The following HPSE2 variants were observed in gnomAD, a reference collection of about 807,000 sequenced individuals.
The protein encoded by HPSE2 is heparanase 2 (inactive).
In HPSE2, 38 loss-of-function variants were observed where a neutral mutation model predicts 60.5. That is an observed-to-expected ratio of 0.63 (90% CI 0.48 to 0.82). The LOEUF is 0.82. HPSE2 is among the 40% of genes least tolerant of loss of function. HPSE2 has a pLI of 0.00. For missense variants in HPSE2, 713 were observed against 740.4 expected (o/e 0.96, Z 0.43); for synonymous variants, 295 against 293.2 (o/e 1.01, Z -0.06).
chr10:98,859,436 A>C (rs1405424758), intron 3 of HPSE2, among the ~76,000 whole-genome samples: 2 of 152,188 alleles, frequency 1.3e-5, no homozygotes, highest in African/African-American at 4.8e-5. Flanking sequence ...TTAAATTAGA[A>C]AAGTGAGTGC....
intron 3 of HPSE2, among the ~76,000 whole-genome samples, chr10:99,093,727 A>C (rs1843599780): frequency 6.6e-6 from 1 of 152,214 alleles, no homozygotes; most frequent in South Asian, 2.1e-4. Context: ...CCCATTAAGC[A>C]TCACTTCCCA....
Position 98,484,366 on chromosome 10 carries a change from T to C in HPSE2, c.1467-1584A>G, listed in dbSNP as rs918699566. On this transcript the variant is annotated intron_variant, in intron 10 of 11. Transcript: ENST00000370552. The stretch of plus-strand genomic sequence containing the variant: ...AATTCTCCTGCCTCAGCCTCCCTGG[T>C]AGCTGAGATTACAGGCGTGCGCCAC... 4.6e-5 allele frequency among the ~76,000 whole-genome samples: 7 copies of C among 152,344 alleles called. No homozygotes were observed. In the East Asian group the frequency reaches 1.2e-3, roughly 25 times the overall value.
chr10:99,232,491 A>T lies in HPSE2; in HGVS notation c.305T>A (p.Val102Glu). The T allele has an allele frequency of 6.4e-7, 1 of 1,554,938 alleles. No individual in the cohort carries two copies. Among genetic ancestry groups the T allele is most frequent in the South Asian group, 1.2e-5 (1 of 84,304 alleles). The change falls in exon 2 of 12, where the codon GTG becomes GAG. Residue 102 changes from valine to glutamate, a missense_variant. Val to Glu is a moderately radical substitution (Grantham distance 121). Coordinates refer to ENST00000370552, the MANE Select transcript of HPSE2 (RefSeq NM_021828.5). ...WLDFLSSKRLVTLARGLSPAF... is the reference protein window; with the variant it reads ...WLDFLSSKRLETLARGLSPAF... Reference sequence around the variant, plus strand: ...GGGCGAAAGTCCCCGGGCCAGGGTCACCAAGCGCTTGGAGCTGCAGAGGAA... The same window carrying T: ...GGGCGAAAGTCCCCGGGCCAGGGTCTCCAAGCGCTTGGAGCTGCAGAGGAA...
chr10:98,702,012 C>A (rs1948423678), intron 5 of HPSE2, among the ~76,000 whole-genome samples: 1 of 152,066 alleles, frequency 6.6e-6, no homozygotes, highest in Non-Finnish European at 1.5e-5. Flanking sequence ...CACAGGCTGT[C>A]AAATTGGATA....
chr10:98,518,866 C>T (rs10509723), intron 9 of HPSE2, among the ~76,000 whole-genome samples: 116,462 of 152,158 alleles, frequency 0.77, 49,336 homozygotes, highest in East Asian at 0.96. Context: ...CTTCTGTAAA[C>T]GCCTGCACAA....
intron 9 of HPSE2, among the ~76,000 whole-genome samples, chr10:98,528,714 G>A (rs569453276): frequency 2.5e-4 from 38 of 152,318 alleles, no homozygotes; most frequent in African/African-American, 8.9e-4. Context: ...TGTGTCAGCC[G>A]GAAGGGCAGC....
the HPSE2 span, among the ~76,000 whole-genome samples, chr10:99,276,635 C>T: frequency 6.6e-6 from 1 of 152,022 alleles, no homozygotes; most frequent in African/African-American, 2.4e-5. Flanking sequence ...ATCCCCATAA[C>T]TGATAAATAG....
rs12768380 is a variant in HPSE2, at chr10:98,732,357, G to A, written c.785-10529C>T. Among the ~76,000 whole-genome samples, 465 of 152,218 alleles carry A rather than the reference G, an allele frequency of 3.1e-3. 2 individuals are homozygous for A. Among genetic ancestry groups the A allele is most frequent in the Non-Finnish European group, 5.8e-3 (392 of 67,998 alleles). Reference sequence around the variant, plus strand: ...TGAAAAACAAAGGAACAAAGTTGGAGGATTTACATTTCCAAATTCTAGCAC... The same window carrying A: ...TGAAAAACAAAGGAACAAAGTTGGAAGATTTACATTTCCAAATTCTAGCAC... On this transcript the variant is annotated intron_variant, in intron 4 of 11. Coordinates refer to ENST00000370552, the MANE Select transcript of HPSE2 (RefSeq NM_021828.5).
At chr10:98,711,722 C>G (rs1470561785) in intron 5 of HPSE2, among the ~76,000 whole-genome samples, 1 of 152,098 alleles carries the variant, frequency 6.6e-6, no homozygotes, top group Non-Finnish European at 1.5e-5. Context: ...GGTTTTTGAG[C>G]TTTGTAAATC....
chr10:98,566,358 GT>G (rs1195168046), intron 9 of HPSE2, among the ~76,000 whole-genome samples: 2 of 152,164 alleles, frequency 1.3e-5, no homozygotes, highest in Non-Finnish European at 2.9e-5. Context: ...TTTTAACTGA[GT>G]TGTTTTGGAA....
chr10:98,905,100 T>G (rs1223391941), intron 3 of HPSE2, among the ~76,000 whole-genome samples: 1 of 151,968 alleles, frequency 6.6e-6, no homozygotes, highest in South Asian at 2.1e-4. Flanking sequence ...ATCACATATA[T>G]GGGCTAAATG....
intron 2 of HPSE2, among the ~76,000 whole-genome samples, chr10:99,213,349 A>T (rs1357315969): frequency 6.6e-6 from 1 of 152,178 alleles, no homozygotes; most frequent in African/African-American, 2.4e-5. Flanking sequence ...CTTCATAAAC[A>T]ATCTCTGATA....
chr10:99,171,958 A>T (rs1211301758), intron 2 of HPSE2, among the ~76,000 whole-genome samples: 4 of 152,202 alleles, frequency 2.6e-5, no homozygotes, highest in African/African-American at 9.7e-5. Flanking sequence ...AAAGCTGCTA[A>T]ATGCCACATC....
intron 9 of HPSE2, among the ~76,000 whole-genome samples, chr10:98,566,155 C>G (rs914440896): frequency 6.6e-6 from 1 of 152,124 alleles, no homozygotes; most frequent in Non-Finnish European, 1.5e-5. Flanking sequence ...TCCTCACAAC[C>G]CTGTGAGGCG....
At chr10:98,855,887 T>G (rs1026266950) in intron 3 of HPSE2, among the ~76,000 whole-genome samples, 1 of 152,178 alleles carries the variant, frequency 6.6e-6, no homozygotes, top group South Asian at 2.1e-4. Context: ...TGCCTGAAGC[T>G]GAGGATGTTA....
chr10:98,703,975 T>C (rs1267214957), intron 5 of HPSE2, among the ~76,000 whole-genome samples: 2 of 152,124 alleles, frequency 1.3e-5, no homozygotes, highest in African/African-American at 2.4e-5. Flanking sequence ...GGAAGTCAAG[T>C]AGTCTCTGTT....
chr10:99,186,542 CAAAAAAAAAAAAAAAAAA>C (rs60186369), intron 2 of HPSE2, among the ~76,000 whole-genome samples: 1 of 59,456 alleles, frequency 1.7e-5, no homozygotes, highest in African/African-American at 8.1e-5. Flanking sequence ...GACTCCATCT[CAAAAAAAAAAAAAAAAAA>C]AAAAAAAAAA....
chr10:99,054,723 G>A (rs564242165), intron 3 of HPSE2, among the ~76,000 whole-genome samples: 5 of 152,210 alleles, frequency 3.3e-5, no homozygotes, highest in Non-Finnish European at 5.9e-5. Flanking sequence ...TTGTTTGTTC[G>A]TTTTTGAGAC....
intron 3 of HPSE2, among the ~76,000 whole-genome samples, chr10:98,831,893 C>T (rs375525896): frequency 5.9e-5 from 9 of 152,140 alleles, no homozygotes; most frequent in South Asian, 4.2e-4. Context: ...GACTTTCAAC[C>T]GATCTTTCTG....
Sources: gnomAD v4.1 joint callset for allele counts (sites outside exome capture counted in the v4.1 genomes callset) on GRCh38, gnomAD v4.1.1 for gene constraint, MANE v1.5 for transcripts, NCBI Gene and HGNC (gene_info 2026-07-23, HGNC 2026-07-21) for gene names.